CCDC192: variants seen among roughly 807,000 people sequenced by gnomAD.
The protein encoded by CCDC192 is coiled-coil domain containing 192.
chr5:127,888,379 G>T (rs1752635322), intron 6 of CCDC192, among the ~76,000 whole-genome samples: 1 of 151,712 alleles, frequency 6.6e-6, no homozygotes. Context: ...TTGCGCCACT[G>T]CACTCCAGCC....
intron 5 of CCDC192, among the ~76,000 whole-genome samples, chr5:127,865,918 A>G (rs1293090751): frequency 2.6e-5 from 4 of 152,214 alleles, no homozygotes; most frequent in Admixed American, 2.0e-4. Flanking sequence ...CTCTAAATAA[A>G]GAACAGGATA....
At chr5:127,909,608 A>T (rs1317990284) in intron 6 of CCDC192, among the ~76,000 whole-genome samples, 1 of 151,946 alleles carries the variant, frequency 6.6e-6, no homozygotes, top group Non-Finnish European at 1.5e-5. Flanking sequence ...CAATTCATTC[A>T]TTGTCACATT....
intron 6 of CCDC192, among the ~76,000 whole-genome samples, chr5:127,915,181 C>G (rs1299327625): frequency 6.6e-6 from 1 of 152,132 alleles, no homozygotes; most frequent in African/African-American, 2.4e-5. Flanking sequence ...TCACACTATA[C>G]TGTAGTCTAC....
rs367679018 is a variant in CCDC192 at position 127,829,717 on chromosome 5, A to C, written c.411+31555A>C. ...TTTTTTTAAAGGTTACTTAATTCTC[A>C]GTTTACTAATTTCCAGAATTAGTGT... On this transcript the variant is annotated intron_variant, in intron 5 of 6. Transcript: ENST00000514853. Among the ~76,000 whole-genome samples the C allele has an allele frequency of 5.3e-5, 8 of 152,174 alleles. No individual in the cohort carries two copies. In the South Asian group the frequency reaches 1.4e-3, roughly 28 times the overall value.
chr5:127,740,348 G>C (rs1753339905), intron 2 of CCDC192: 1 of 152,152 alleles, frequency 6.6e-6, no homozygotes, highest in African/African-American at 2.4e-5. Context: ...TCTGTCTTCT[G>C]TGCCTTATAG....
chr5:127,815,318 A>G (rs542446117), intron 5 of CCDC192, among the ~76,000 whole-genome samples: 31 of 152,332 alleles, frequency 2.0e-4, no homozygotes, highest in Admixed American at 7.2e-4. Context: ...AAACGTCAGA[A>G]CAGCAAGTAA....
chr5:127,719,416 CATAT>C (rs60520857), intron 2 of CCDC192, among the ~76,000 whole-genome samples: 4 of 141,402 alleles, frequency 2.8e-5, no homozygotes, highest in Non-Finnish European at 4.5e-5. Flanking sequence ...TATATACATA[CATAT>C]ATATATATAT....
chr5:127,842,967 A>C (rs1356286011), intron 5 of CCDC192, among the ~76,000 whole-genome samples: 1 of 151,492 alleles, frequency 6.6e-6, no homozygotes, highest in African/African-American at 2.4e-5. Flanking sequence ...GTTTCATGGC[A>C]TCTGTGATAG....
At chr5:127,906,085 A>T (rs894514327) in intron 6 of CCDC192, among the ~76,000 whole-genome samples, 1 of 152,176 alleles carries the variant, frequency 6.6e-6, no homozygotes, top group Non-Finnish European at 1.5e-5. Flanking sequence ...CAGTGCCATT[A>T]AGTACATTCA....
intron 6 of CCDC192, among the ~76,000 whole-genome samples, chr5:127,887,464 C>T (rs1455383921): frequency 1.3e-5 from 2 of 151,970 alleles, no homozygotes; most frequent in Non-Finnish European, 2.9e-5. Flanking sequence ...CACAATACAT[C>T]AACCTATTTG....
chr5:127,822,866 G>A (rs1399432728), intron 5 of CCDC192, among the ~76,000 whole-genome samples: 1 of 152,216 alleles, frequency 6.6e-6, no homozygotes, highest in African/African-American at 2.4e-5. Context: ...TCAGGCCCCT[G>A]AGGCCCAGTG....
chr5:127,770,098 G>T (rs549997622), intron 3 of CCDC192, among the ~76,000 whole-genome samples: 1 of 152,168 alleles, frequency 6.6e-6, no homozygotes, highest in East Asian at 1.9e-4. Context: ...TTTTTATTTT[G>T]TTTAGAGACT....
chr5:127,758,689 T>C (rs1383181814), intron 3 of CCDC192, among the ~76,000 whole-genome samples: 2 of 151,240 alleles, frequency 1.3e-5, no homozygotes, highest in Non-Finnish European at 2.9e-5. Context: ...GGGTAATAGA[T>C]AAAAAAAAGG....
chr5:127,812,878 C>T (rs1368933057), intron 5 of CCDC192, among the ~76,000 whole-genome samples: 1 of 152,196 alleles, frequency 6.6e-6, no homozygotes, highest in Non-Finnish European at 1.5e-5. Context: ...TTTTCCTCCA[C>T]CTTTGCTGCC....
At chr5:127,940,375 T>C (rs1754351905) in intron 6 of CCDC192, 1 of 152,208 alleles carries the variant, frequency 6.6e-6, no homozygotes, top group Non-Finnish European at 1.5e-5. Flanking sequence ...TAAAGCTGAC[T>C]TGGGTTAAGA....
intron 3 of CCDC192, among the ~76,000 whole-genome samples, chr5:127,778,371 C>G (rs530982587): frequency 2.0e-5 from 3 of 151,886 alleles, no homozygotes; most frequent in Admixed American, 2.0e-4. Context: ...CTGAATTGAC[C>G]ATGTAGTATT....
intron 5 of CCDC192, among the ~76,000 whole-genome samples, chr5:127,845,244 A>G (rs2127072132): frequency 6.6e-6 from 1 of 152,308 alleles, no homozygotes; most frequent in Non-Finnish European, 1.5e-5. Context: ...GAGGAGAGTC[A>G]GGGAGTGAGT....
intron 2 of CCDC192, among the ~76,000 whole-genome samples, chr5:127,752,606 G>T (rs1403525772): frequency 6.6e-6 from 1 of 152,216 alleles, no homozygotes; most frequent in South Asian, 2.1e-4. Flanking sequence ...GCCTACAGAG[G>T]CAGGCAGGCC....
chr5:127,868,015 T>C (rs550398076), intron 5 of CCDC192, among the ~76,000 whole-genome samples: 18 of 151,474 alleles, frequency 1.2e-4, no homozygotes, highest in Middle Eastern at 3.4e-3. Flanking sequence ...TTTTCTTTTT[T>C]TTTTTTTTTT....
Sources: allele counts gnomAD v4.1 joint callset (sites outside exome capture counted in the v4.1 genomes callset), GRCh38; gene constraint gnomAD v4.1.1; transcripts MANE v1.5; gene names NCBI Gene and HGNC (gene_info 2026-07-23, HGNC 2026-07-21).